The following GALNTL6 variants were observed in gnomAD, a reference collection of about 807,000 sequenced individuals.
The protein encoded by GALNTL6 is polypeptide N-acetylgalactosaminyltransferase like 6, also known as polypeptide N-acetylgalactosaminyltransferase-like 6.
GALNTL6 carries 46 observed loss-of-function variants against 73.7 expected under a neutral mutation model. The ratio of observed to expected loss-of-function variants is 0.62; its 90% CI spans 0.49 to 0.80. The LOEUF (loss-of-function observed/expected upper bound fraction) is 0.80. GALNTL6 is among the 30% of genes least tolerant of loss of function. The probability of loss-of-function intolerance (pLI) is 0.00; values close to 1 mark genes in which losing one functional copy is unlikely to be tolerated. For missense variants in GALNTL6, 604 were observed against 755.0 expected, an observed-to-expected ratio of 0.80 and a Z score of 2.34; for synonymous variants, 259 against 263.7, an observed-to-expected ratio of 0.98 and a Z score of 0.17.
At chr4:172,707,580 G>T (rs528937502) in intron 5 of GALNTL6, among the ~76,000 whole-genome samples, 41 of 152,236 alleles carry the variant, frequency 2.7e-4, no homozygotes, top group Middle Eastern at 3.4e-3. Context: ...AAACCTCTTT[G>T]TTAACTGTTG....
Position 172,052,646 on chromosome 4 carries a change from C to T in GALNTL6, c.139-177010C>T, listed in dbSNP as rs538989126. On this transcript the variant is annotated intron_variant, in intron 2 of 12. Coordinates refer to ENST00000506823, the MANE Select transcript of GALNTL6 (RefSeq NM_001034845.3). Reference sequence around the variant, plus strand: ...TAGGGTCACGTAGTCTCACCATCATCTCTTTCTTTTGTGATCACTTTTGCC... The same window carrying T: ...TAGGGTCACGTAGTCTCACCATCATTTCTTTCTTTTGTGATCACTTTTGCC... 519 of 601,556 alleles carry T rather than the reference C, an allele frequency of 8.6e-4. 8 individuals are homozygous for T. The South Asian group carries it at 0.012, about 14-fold the overall frequency. The allele number at this position is 601,556 out of a possible 1,614,324, so 37.3% of individuals were successfully genotyped here.
intron 5 of GALNTL6, among the ~76,000 whole-genome samples, chr4:172,552,419 T>C (rs1248281435): frequency 6.6e-6 from 1 of 152,150 alleles, no homozygotes; most frequent in African/African-American, 2.4e-5. Context: ...ATATTTTTTC[T>C]GCTGAACTAG....
chr4:172,608,997 G>A (rs1405346863), intron 5 of GALNTL6, among the ~76,000 whole-genome samples: 2 of 152,074 alleles, frequency 1.3e-5, no homozygotes, highest in African/African-American at 4.8e-5. Context: ...CTCTGCTGAA[G>A]TTTCAGATCA....
At position 172,071,129 on chromosome 4, in the gene GALNTL6, A is replaced by T. The variant is rs901867314; in HGVS notation, c.139-158527A>T. On this transcript the variant is annotated intron_variant, in intron 2 of 12. Transcript: ENST00000506823. ...AAATTGTACTATAGTAAAAAAAAAG[A>T]TCCAAATGCAATGGCTTAAATATAA... Among the ~76,000 whole-genome samples the T allele has an allele frequency of 3.7e-5, 4 of 109,360 alleles. 1 individual carries two copies. Among genetic ancestry groups the T allele is most frequent in the Non-Finnish European group, 8.1e-5 (4 of 49,326 alleles). The allele number at this position is 109,360 out of a possible 152,430, so 71.7% of individuals were successfully genotyped here. A position where few individuals can be genotyped will look rare whatever the true frequency, so the allele number is the denominator to read the frequency against.
intron 2 of GALNTL6, among the ~76,000 whole-genome samples, chr4:172,008,483 A>AT (rs1205976666): frequency 3.3e-5 from 5 of 151,474 alleles, no homozygotes; most frequent in Non-Finnish European, 5.9e-5. Flanking sequence ...TTAAGGATTT[A>AT]TTTTTGCCTT....
At chr4:172,010,602 T>TA (rs1740977683) in intron 2 of GALNTL6, among the ~76,000 whole-genome samples, 1 of 151,706 alleles carries the variant, frequency 6.6e-6, no homozygotes, top group East Asian at 1.9e-4. Flanking sequence ...ATTTGGAATT[T>TA]TTTTTAAAGC....
At chr4:172,380,661 G>A (rs10032609) in intron 5 of GALNTL6, among the ~76,000 whole-genome samples, 122,725 of 152,200 alleles carry the variant, frequency 0.81, 50,388 homozygotes, top group Non-Finnish European at 0.88. Flanking sequence ...CCACAAAGAA[G>A]AACTCTTTCC....
At chr4:172,440,565 T>C (rs1049798984) in intron 5 of GALNTL6, among the ~76,000 whole-genome samples, 1 of 152,106 alleles carries the variant, frequency 6.6e-6, no homozygotes, top group African/African-American at 2.4e-5. Flanking sequence ...TGGGTATCTG[T>C]CATTATACAT....
intron 4 of GALNTL6, among the ~76,000 whole-genome samples, chr4:172,342,055 A>T (rs1252027532): frequency 2.6e-5 from 4 of 152,166 alleles, no homozygotes; most frequent in Admixed American, 2.6e-4. Context: ...TAGCCACCTG[A>T]TAATATAATA....
At chr4:172,254,856 C>T (rs991904985) in intron 3 of GALNTL6, among the ~76,000 whole-genome samples, 2 of 151,644 alleles carry the variant, frequency 1.3e-5, no homozygotes, top group Non-Finnish European at 3.0e-5. Flanking sequence ...TTTAAACTTT[C>T]CCCCTGTTTC....
chr4:172,742,446 T>C (rs1736861607), intron 5 of GALNTL6, among the ~76,000 whole-genome samples: 1 of 150,880 alleles, frequency 6.6e-6, no homozygotes, highest in Non-Finnish European at 1.5e-5. Flanking sequence ...TGGCAAGAGA[T>C]ACCAAAGTGG....
intron 5 of GALNTL6, among the ~76,000 whole-genome samples, chr4:172,497,991 C>CTT (rs10669113): frequency 0.32 from 33,803 of 104,450 alleles, 5,814 homozygotes; most frequent in African/African-American, 0.36. Flanking sequence ...TGTCACATTT[C>CTT]TTTTTTTTTT....
chr4:172,335,852 C>T (rs1741297646), intron 4 of GALNTL6, among the ~76,000 whole-genome samples: 1 of 152,094 alleles, frequency 6.6e-6, no homozygotes, highest in African/African-American at 2.4e-5. Context: ...ATTAATAAAG[C>T]TAATGGTCTA....
chr4:172,732,125 G>A (rs1164456023), intron 5 of GALNTL6, among the ~76,000 whole-genome samples: 1 of 152,126 alleles, frequency 6.6e-6, no homozygotes, highest in Non-Finnish European at 1.5e-5. Flanking sequence ...GTCTGTTACT[G>A]AGAATGGGAT....
chr4:172,841,469 T>C (rs1451648343), intron 7 of GALNTL6, among the ~76,000 whole-genome samples: 4 of 152,300 alleles, frequency 2.6e-5, no homozygotes, highest in Admixed American at 2.0e-4. Flanking sequence ...TCGTAACTAC[T>C]GTATTAGTCC....
At chr4:172,679,823 A>G (rs1246835473) in intron 5 of GALNTL6, among the ~76,000 whole-genome samples, 1 of 152,210 alleles carries the variant, frequency 6.6e-6, no homozygotes, top group East Asian at 1.9e-4. Flanking sequence ...ATTTAAACCT[A>G]TTTCAGCATT....
At chr4:172,591,962 T>G (rs1317005369) in intron 5 of GALNTL6, among the ~76,000 whole-genome samples, 1 of 152,218 alleles carries the variant, frequency 6.6e-6, no homozygotes, top group Non-Finnish European at 1.5e-5. Flanking sequence ...CCAATTAGCA[T>G]AGACCACTAA....
At chr4:172,003,774 A>G (rs1373426828) in intron 2 of GALNTL6, among the ~76,000 whole-genome samples, 1 of 152,106 alleles carries the variant, frequency 6.6e-6, no homozygotes, top group Non-Finnish European at 1.5e-5. Flanking sequence ...TTCTGGACCT[A>G]GGAGACTTAT....
intron 5 of GALNTL6, among the ~76,000 whole-genome samples, chr4:172,392,767 G>C (rs1187957908): frequency 1.3e-5 from 2 of 152,036 alleles, no homozygotes; most frequent in South Asian, 2.1e-4. Flanking sequence ...TTAGCTTATC[G>C]GGTTTTTGAC....
Sources: allele counts gnomAD v4.1 joint callset (sites outside exome capture counted in the v4.1 genomes callset), GRCh38; gene constraint gnomAD v4.1.1; transcripts MANE v1.5; gene names NCBI Gene and HGNC (gene_info 2026-07-23, HGNC 2026-07-21).